NOL4: variants seen among roughly 807,000 people sequenced by gnomAD.
The protein encoded by NOL4 is cancer/testis antigen 125.
A neutral mutation model predicts 75.9 loss-of-function variants in NOL4; 17 were observed. That is an observed-to-expected ratio of 0.22 (90% CI 0.15 to 0.34). The LOEUF (loss-of-function observed/expected upper bound fraction) is 0.34. NOL4 is among the 10% of genes least tolerant of loss of function. The probability of loss-of-function intolerance (pLI) is 1.00; values close to 1 mark genes in which losing one functional copy is unlikely to be tolerated. For synonymous variants in NOL4, 292 were observed against 289.9 expected, an observed-to-expected ratio of 1.01 and a Z score of -0.07; for missense variants, 614 against 793.5, an observed-to-expected ratio of 0.77 and a Z score of 2.72.
At chr18:34,158,145 T>C (rs1015687836) in intron 1 of NOL4, among the ~76,000 whole-genome samples, 8 of 152,168 alleles carry the variant, frequency 5.3e-5, no homozygotes, top group Non-Finnish European at 1.0e-4. Flanking sequence ...TAGCAAAAGC[T>C]ACCGGGGTGC....
intron 10 of NOL4, among the ~76,000 whole-genome samples, chr18:33,875,165 A>G (rs895117876): frequency 2.6e-5 from 4 of 152,038 alleles, no homozygotes; most frequent in Non-Finnish European, 1.5e-5. Context: ...GACTCAAGAG[A>G]TCCAATGAAT....
chr18:34,068,436 C>T (rs2077372389), intron 5 of NOL4, among the ~76,000 whole-genome samples: 1 of 151,768 alleles, frequency 6.6e-6, no homozygotes, highest in East Asian at 1.9e-4. Flanking sequence ...AGTCTCACTC[C>T]GTCGCCAGGC....
At chr18:33,914,294 C>G (rs1223503287) in intron 9 of NOL4, among the ~76,000 whole-genome samples, 1 of 151,850 alleles carries the variant, frequency 6.6e-6, no homozygotes, top group Non-Finnish European at 1.5e-5. Flanking sequence ...GTGCAAAGAC[C>G]CTGAGACAGG....
At chr18:34,092,673 C>T (rs1181044058) in intron 5 of NOL4, among the ~76,000 whole-genome samples, 1 of 152,084 alleles carries the variant, frequency 6.6e-6, no homozygotes, top group Non-Finnish European at 1.5e-5. Flanking sequence ...AGAAATAATA[C>T]ACAAATTTTG....
intron 10 of NOL4, among the ~76,000 whole-genome samples, chr18:33,878,730 A>T (rs1480980867): frequency 6.6e-6 from 1 of 152,048 alleles, no homozygotes; most frequent in African/African-American, 2.4e-5. Flanking sequence ...GGAAAAGGAG[A>T]TATATTTTGT....
intron 6 of NOL4, among the ~76,000 whole-genome samples, chr18:34,015,832 C>T (rs775442561): frequency 3.5e-4 from 53 of 152,056 alleles, no homozygotes; most frequent in Non-Finnish European, 6.5e-4. Flanking sequence ...TCTTAGTAAA[C>T]GGATTCGTCA....
intron 5 of NOL4, among the ~76,000 whole-genome samples, chr18:34,069,779 G>A (rs1231219822): frequency 1.3e-5 from 2 of 152,198 alleles, no homozygotes; most frequent in African/African-American, 4.8e-5. Flanking sequence ...TATGAAGTCA[G>A]ACCACTATCT....
intron 5 of NOL4, among the ~76,000 whole-genome samples, chr18:34,092,964 A>T (rs2078597217): frequency 6.6e-6 from 1 of 152,206 alleles, no homozygotes; most frequent in Non-Finnish European, 1.5e-5. Context: ...AGCTGGATAA[A>T]GTAGCTCAAA....
chr18:34,035,644 G>A (rs774859471), intron 5 of NOL4, among the ~76,000 whole-genome samples: 1 of 151,256 alleles, frequency 6.6e-6, no homozygotes, highest in African/African-American at 2.4e-5. Flanking sequence ...GATTAAAGCA[G>A]AACTAAATGA....
At chr18:34,139,157 G>C (rs919865641) in intron 1 of NOL4, among the ~76,000 whole-genome samples, 2 of 152,100 alleles carry the variant, frequency 1.3e-5, no homozygotes, top group African/African-American at 4.8e-5. Flanking sequence ...TTGTGTCTCT[G>C]CCAGGCTTTG....
At chr18:33,951,945 C>T (rs72957326) in intron 8 of NOL4, among the ~76,000 whole-genome samples, 1,769 of 152,134 alleles carry the variant, frequency 0.012, 15 homozygotes, top group Middle Eastern at 0.031. Flanking sequence ...ACATTCATAC[C>T]CCAGCCCTAA....
chr18:33,958,789 C>T (rs901898393), intron 6 of NOL4, among the ~76,000 whole-genome samples: 1 of 152,044 alleles, frequency 6.6e-6, no homozygotes, highest in Non-Finnish European at 1.5e-5. Flanking sequence ...ATTCTTAGAA[C>T]TTAATATGAC....
Position 34,115,266 on chromosome 18 carries a change from G to A in NOL4, c.415-10106C>T, listed in dbSNP as rs561911903. Among the ~76,000 whole-genome samples, 59 of 152,224 alleles carry A rather than the reference G, an allele frequency of 3.9e-4. 1 individual carries two copies. The highest frequency in any genetic ancestry group is 8.2e-4 in the Non-Finnish European group (56 of 68,016). ...TAAGGAAGCTGGAAGCTTGCATGAA[G>A]GTGGTGCATGCAGCTGCACCAATCG... On this transcript the variant is annotated intron_variant, in intron 2 of 10. Coordinates refer to ENST00000261592, the MANE Select transcript of NOL4 (RefSeq NM_003787.5).
chr18:34,083,848 A>G (rs1425309866), intron 5 of NOL4, among the ~76,000 whole-genome samples: 2 of 152,214 alleles, frequency 1.3e-5, no homozygotes, highest in African/African-American at 4.8e-5. Context: ...TAAAAAAGAC[A>G]GAATATTCAT....
intron 9 of NOL4, among the ~76,000 whole-genome samples, chr18:33,931,449 G>A (rs1249332278): frequency 6.6e-6 from 1 of 152,130 alleles, no homozygotes; most frequent in East Asian, 1.9e-4. Context: ...TTAAAGTAGT[G>A]TCTGAGCACA....
chr18:33,875,983 C>T (rs931987094), intron 10 of NOL4, among the ~76,000 whole-genome samples: 9 of 151,956 alleles, frequency 5.9e-5, no homozygotes, highest in Middle Eastern at 3.4e-3. Context: ...GGTAGAATAA[C>T]GGAGTATTTA....
intron 10 of NOL4, among the ~76,000 whole-genome samples, chr18:33,879,578 G>A (rs1567995741): frequency 1.3e-5 from 2 of 152,092 alleles, no homozygotes; most frequent in Non-Finnish European, 2.9e-5. Flanking sequence ...CTACTCTGGA[G>A]GCTGAGATGG....
rs185999720 is a variant in NOL4, at chr18:33,887,331, G to T, written c.1543-3907C>A. On this transcript the variant is annotated intron_variant, in intron 9 of 10. Transcript: ENST00000261592. Reference sequence around the variant, plus strand: ...ATCACATTTTGTTGGTATTACTTTAGATTTGGTAGTCAGCAAATTGCAGAT... The same window carrying T: ...ATCACATTTTGTTGGTATTACTTTATATTTGGTAGTCAGCAAATTGCAGAT... 2.6e-5 allele frequency among the ~76,000 whole-genome samples: 4 copies of T among 151,050 alleles called. No homozygotes were observed. In the East Asian group the frequency reaches 7.8e-4, roughly 29 times the overall value.
chr18:34,209,045 T>C (rs2036322808), intron 1 of NOL4, among the ~76,000 whole-genome samples: 1 of 151,462 alleles, frequency 6.6e-6, no homozygotes, highest in Non-Finnish European at 1.5e-5. Flanking sequence ...CCCCTGTCTC[T>C]ATTAAATATA....
Sources: allele counts gnomAD v4.1 joint callset (sites outside exome capture counted in the v4.1 genomes callset), GRCh38; gene constraint gnomAD v4.1.1; transcripts MANE v1.5; gene names NCBI Gene and HGNC (gene_info 2026-07-23, HGNC 2026-07-21).